Variants in SUMF1 observed in about 807,000 individuals in gnomAD.
SUMF1 encodes sulfatase modifying factor 1, also known as formylglycine-generating enzyme.
Under a neutral mutation model 47.6 loss-of-function variants are expected in SUMF1, and 48 were observed. That is an observed-to-expected ratio of 1.01 (90% CI 0.80 to 1.28). The LOEUF (loss-of-function observed/expected upper bound fraction) is 1.28. Ranked by LOEUF, SUMF1 falls within the 50% of genes most tolerant of loss-of-function variation. The pLI is 0.00. For missense variants in SUMF1, 571 were observed against 485.4 expected (o/e 1.18, Z -1.66); for synonymous variants, 230 against 192.1 (o/e 1.20, Z -1.63).
intron 8 of SUMF1, among the ~76,000 whole-genome samples, chr3:4,263,736 C>T (rs1274452011): frequency 6.6e-6 from 1 of 152,176 alleles, no homozygotes; most frequent in African/African-American, 2.4e-5. Context: ...ATTAAGTTCT[C>T]TTAATACTGA....
At chr3:4,370,849 T>C (rs1700147207) in intron 8 of SUMF1, among the ~76,000 whole-genome samples, 1 of 152,294 alleles carries the variant, frequency 6.6e-6, no homozygotes, top group South Asian at 2.1e-4. Flanking sequence ...TAATGAAAAG[T>C]TTAAAATCAG....
At chr3:4,266,624 G>A (rs1465372864) in intron 8 of SUMF1, among the ~76,000 whole-genome samples, 3 of 151,750 alleles carry the variant, frequency 2.0e-5, no homozygotes, top group African/African-American at 7.3e-5. Flanking sequence ...GAGATTTTGG[G>A]CTGAGACAAT....
At chr3:4,254,826 G>C (rs1184744544) in intron 8 of SUMF1, among the ~76,000 whole-genome samples, 2 of 151,464 alleles carry the variant, frequency 1.3e-5, no homozygotes, top group African/African-American at 4.9e-5. Flanking sequence ...ATTCACCAAA[G>C]TTGAAATGAA....
intron 8 of SUMF1, among the ~76,000 whole-genome samples, chr3:4,072,277 T>G (rs186991497): frequency 5.9e-5 from 9 of 152,162 alleles, no homozygotes; most frequent in Non-Finnish European, 1.3e-4. Context: ...TAGAAAGGAA[T>G]AGCATCAACA....
At chr3:4,227,740 G>A (rs535632597) in intron 8 of SUMF1, among the ~76,000 whole-genome samples, 2 of 152,218 alleles carry the variant, frequency 1.3e-5, no homozygotes, top group South Asian at 4.1e-4. Context: ...TTAAGAGGTG[G>A]GAGGAGCACA....
chr3:4,172,026 T>C (rs1023090879), intron 8 of SUMF1, among the ~76,000 whole-genome samples: 1 of 152,052 alleles, frequency 6.6e-6, no homozygotes, highest in African/African-American at 2.4e-5. Flanking sequence ...ATATGACGGG[T>C]TGAATGTGGC....
intron 8 of SUMF1, among the ~76,000 whole-genome samples, chr3:4,112,233 A>G (rs1016610985): frequency 1.3e-5 from 2 of 152,154 alleles, no homozygotes; most frequent in South Asian, 4.1e-4. Flanking sequence ...AAACTAGTAC[A>G]CCAGATACAT....
At position 4,290,764 on chromosome 3, in the gene SUMF1, G is replaced by A. The variant is rs368337952; in HGVS notation, c.1014+85566C>T. Among the ~76,000 whole-genome samples the A allele has an allele frequency of 2.1e-4, 32 of 152,188 alleles. No homozygotes were observed. In the East Asian group the frequency reaches 3.5e-3, roughly 17 times the overall value. ...TCCCCTGCTAGACTGTAGGTATTTTGAGGATATGTGGACAGTCACCTTCAG... is the reference window on the plus strand; with the variant it reads ...TCCCCTGCTAGACTGTAGGTATTTTAAGGATATGTGGACAGTCACCTTCAG... On this transcript the variant is annotated intron_variant and NMD_transcript_variant, in intron 8 of 12. Transcript: ENST00000448413.
intron 8 of SUMF1, among the ~76,000 whole-genome samples, chr3:4,232,985 C>G (rs1361341201): frequency 6.6e-6 from 1 of 152,078 alleles, no homozygotes; most frequent in East Asian, 1.9e-4. Context: ...GAGTCCCTAA[C>G]TTTCAAATTT....
intron 8 of SUMF1, among the ~76,000 whole-genome samples, chr3:4,209,447 T>G (rs1198149679): frequency 6.6e-6 from 1 of 152,118 alleles, no homozygotes; most frequent in Non-Finnish European, 1.5e-5. Flanking sequence ...AATAATAAAG[T>G]TCGATGAGAA....
intron 8 of SUMF1, among the ~76,000 whole-genome samples, chr3:4,076,968 CACTCCAGCCTGGGCAACAGAGCGAG>C (rs925897384): frequency 6.6e-6 from 1 of 151,942 alleles, no homozygotes; most frequent in Non-Finnish European, 1.5e-5. Flanking sequence ...CGTGCCACTG[CACTCCAGCCTGGGCAACAGAGCGAG>C]ACTCCATCTC....
In SUMF1 at chr3:4,168,920, C is replaced by T. The variant is rs116463382; in HGVS notation, c.1015-100175G>A. ...ATTTCTTCCACTAATTGAGCACATG[C>T]TATATTCAATAACCATGGTAGATAT... On this transcript the variant is annotated intron_variant and NMD_transcript_variant, in intron 8 of 12. Coordinates refer to the SUMF1 transcript ENST00000448413. Among the ~76,000 whole-genome samples, 1,028 of 152,242 alleles carry T rather than the reference C, an allele frequency of 6.8e-3. 14 individuals are homozygous for T. The highest frequency in any genetic ancestry group is 0.023 in the African/African-American group (973 of 41,534).
At chr3:4,436,224 G>A (rs1336550239) in intron 3 of SUMF1, among the ~76,000 whole-genome samples, 2 of 152,166 alleles carry the variant, frequency 1.3e-5, no homozygotes, top group African/African-American at 4.8e-5. Flanking sequence ...TGTAATATAT[G>A]ACAACTCTAA....
At chr3:4,085,150 T>C (rs1320679593) in intron 8 of SUMF1, among the ~76,000 whole-genome samples, 1 of 152,092 alleles carries the variant, frequency 6.6e-6, no homozygotes, top group Non-Finnish European at 1.5e-5. Flanking sequence ...AAATGGCTCT[T>C]GGGATACTAA....
chr3:4,423,202 C>T (rs187028367), intron 3 of SUMF1, among the ~76,000 whole-genome samples: 2 of 151,894 alleles, frequency 1.3e-5, no homozygotes, highest in African/African-American at 4.8e-5. Context: ...ATGTTTATAG[C>T]AGCATAATTC....
chr3:4,220,212 T>C (rs1206344746), intron 8 of SUMF1, among the ~76,000 whole-genome samples: 1 of 152,168 alleles, frequency 6.6e-6, no homozygotes, highest in African/African-American at 2.4e-5. Flanking sequence ...AGGGCCACAG[T>C]TCAGCTCATC....
intron 8 of SUMF1, among the ~76,000 whole-genome samples, chr3:4,072,674 C>A (rs138898005): frequency 1.0e-3 from 159 of 152,216 alleles, no homozygotes; most frequent in African/African-American, 3.6e-3. Context: ...AGCACGAGAA[C>A]TTCATGAAGC....
chr3:4,247,258 C>T (rs1410699545), intron 8 of SUMF1, among the ~76,000 whole-genome samples: 3 of 152,286 alleles, frequency 2.0e-5, no homozygotes, highest in Admixed American at 1.3e-4. Context: ...TATTTTGGAA[C>T]ATGTGTTCTA....
chr3:4,221,414 GGTGTGTGTGTGTGTGTGTGT>G (rs113359661), intron 8 of SUMF1, among the ~76,000 whole-genome samples: 6 of 148,200 alleles, frequency 4.0e-5, no homozygotes, highest in East Asian at 2.0e-4. Context: ...GGTTTTTTGG[GGTGTGTGTGTGTGTGTGTGT>G]GTGTGTGTGT....
Sources: allele counts gnomAD v4.1 joint callset (sites outside exome capture counted in the v4.1 genomes callset), GRCh38; gene constraint gnomAD v4.1.1; transcripts MANE v1.5; gene names NCBI Gene and HGNC (gene_info 2026-07-23, HGNC 2026-07-21).